PHLPP1: variants seen among roughly 807,000 people sequenced by gnomAD.
The protein encoded by PHLPP1 is PH domain leucine-rich repeat-containing protein phosphatase 1.
Under a neutral mutation model 117.2 loss-of-function variants are expected in PHLPP1, and 42 were observed. That is an observed-to-expected ratio of 0.36 (90% CI 0.28 to 0.46). The LOEUF is 0.46. PHLPP1 is among the 20% of genes least tolerant of loss of function. The probability of loss-of-function intolerance (pLI) is 1.00; values close to 1 mark genes in which losing one functional copy is unlikely to be tolerated. For synonymous variants in PHLPP1, 1,042 were observed against 970.7 expected (o/e 1.07, Z -1.37); for missense variants, 2,084 against 2,241.9 (o/e 0.93, Z 1.42).
chr18:62,769,081 G>T (rs1456971185), intron 1 of PHLPP1, among the ~76,000 whole-genome samples: 2 of 152,136 alleles, frequency 1.3e-5, no homozygotes, highest in Non-Finnish European at 2.9e-5. Flanking sequence ...GTCCTTAAAA[G>T]AATAACTCTG....
Position 62,979,510 on chromosome 18 carries a change from G to A in PHLPP1, c.*79G>A. 6.9e-7 allele frequency: 1 copy of A among 1,441,480 alleles called. No homozygotes were observed. Among genetic ancestry groups the A allele is most frequent in the Non-Finnish European group, 9.3e-7 (1 of 1,071,422 alleles). 89.3% of individuals were successfully genotyped at this position (1,441,480 alleles called of 1,614,324 possible). On this transcript the variant is annotated 3_prime_UTR_variant, in exon 17 of 17. Transcript: ENST00000262719. ...GTCTCCCAGGCTCACATTAAACCAGGGGTTTTACTCCACATCCTTCCCCCA... is the reference window on the plus strand; with the variant it reads ...GTCTCCCAGGCTCACATTAAACCAGAGGTTTTACTCCACATCCTTCCCCCA...
chr18:62,768,775 A>G (rs1490375233), intron 1 of PHLPP1, among the ~76,000 whole-genome samples: 2 of 152,178 alleles, frequency 1.3e-5, no homozygotes, highest in African/African-American at 4.8e-5. Context: ...CCTAACAATG[A>G]AAAAGGAGAT....
At chr18:62,887,619 A>G (rs556522347) in intron 4 of PHLPP1, among the ~76,000 whole-genome samples, 1 of 152,360 alleles carries the variant, frequency 6.6e-6, no homozygotes, top group Non-Finnish European at 1.5e-5. Context: ...TTACAGGGAC[A>G]CTAATCCCAA....
intron 4 of PHLPP1, among the ~76,000 whole-genome samples, chr18:62,867,142 C>G (rs1374327300): frequency 6.6e-6 from 1 of 152,116 alleles, no homozygotes; most frequent in Non-Finnish European, 1.5e-5. Context: ...GAAGTAGGTG[C>G]CTGAAGCTCC....
chr18:62,771,170 C>T (rs1050331051), intron 1 of PHLPP1, among the ~76,000 whole-genome samples: 7 of 148,964 alleles, frequency 4.7e-5, no homozygotes, highest in Admixed American at 1.3e-4. Flanking sequence ...GCCGAGATTG[C>T]GCCATTGCCC....
chr18:62,724,603 T>TC (rs1330459481), intron 1 of PHLPP1, among the ~76,000 whole-genome samples: 2 of 152,222 alleles, frequency 1.3e-5, no homozygotes, highest in African/African-American at 4.8e-5. Flanking sequence ...GTTCTTTTTT[T>TC]CCCACACTGT....
rs1555681660 is a variant in PHLPP1, at chr18:62,916,605, G to GGGGTGTGTGTGTGTGTGTGT, written c.2804+1598_2804+1599insGGTGTGTGTGTGTGTGTGTG. On this transcript the variant is annotated intron_variant, in intron 9 of 16. Transcript: ENST00000262719. ...AGCCATCACCATTAACAAGAGGGTGGGTGTGTGTGTGTGTGTGTGTGTGTG... is the reference window on the plus strand; with the variant it reads ...AGCCATCACCATTAACAAGAGGGTGGGGGTGTGTGTGTGTGTGTGTGTGTGTGTGTGTGTGTGTGTGTGTG... 2.9e-3 allele frequency among the ~76,000 whole-genome samples: 421 copies of GGGGTGTGTGTGTGTGTGTGT among 145,840 alleles called. 2 individuals carry two copies. Among genetic ancestry groups the GGGGTGTGTGTGTGTGTGTGT allele is most frequent in the Middle Eastern group, 0.018 (5 of 276 alleles).
chr18:62,868,414 G>A (rs1164953961), intron 4 of PHLPP1, among the ~76,000 whole-genome samples: 2 of 151,788 alleles, frequency 1.3e-5, no homozygotes, highest in Non-Finnish European at 2.9e-5. Flanking sequence ...ATGATTTGAG[G>A]TCATGTTGGC....
At chr18:62,861,987 A>T (rs1915642882) in intron 4 of PHLPP1, among the ~76,000 whole-genome samples, 1 of 152,246 alleles carries the variant, frequency 6.6e-6, no homozygotes, top group South Asian at 2.1e-4. Flanking sequence ...TTTGGAGAGT[A>T]CTACTCCGTT....
intron 4 of PHLPP1, among the ~76,000 whole-genome samples, chr18:62,879,605 T>A (rs1916127668): frequency 6.6e-6 from 1 of 152,162 alleles, no homozygotes. Flanking sequence ...TAGACAGGGT[T>A]CACCGTGTTA....
At chr18:62,927,615 T>G (rs2144434911) in intron 10 of PHLPP1, among the ~76,000 whole-genome samples, 1 of 151,298 alleles carries the variant, frequency 6.6e-6, no homozygotes, top group South Asian at 2.1e-4. Flanking sequence ...CAAGGGAGAA[T>G]ACACCCGAAA....
Position 62,917,396 on chromosome 18 carries a change from T to TGTGTGTG in PHLPP1, c.2804+2388_2804+2389insGTGTGTG, listed in dbSNP as rs1909321733. ...TGTTAAAGAATTTAAACAGTATTCT[T>TGTGTGTG]TGTGTGTGTGTGTGTGTGTGTGTGT... is the stretch of plus-strand genomic sequence containing the variant. On this transcript the variant is annotated intron_variant, in intron 9 of 16. Coordinates refer to ENST00000262719, the MANE Select transcript of PHLPP1 (RefSeq NM_194449.4). Among the ~76,000 whole-genome samples the TGTGTGTG allele has an allele frequency of 8.0e-3, 1,135 of 141,486 alleles. 10 individuals are homozygous for TGTGTGTG. Among genetic ancestry groups the TGTGTGTG allele is most frequent in the Non-Finnish European group, 0.013 (880 of 65,470 alleles). 92.8% of individuals were successfully genotyped at this position (141,486 alleles called of 152,430 possible).
At chr18:62,833,515 C>T (rs1163944223) in intron 2 of PHLPP1, among the ~76,000 whole-genome samples, 2 of 152,164 alleles carry the variant, frequency 1.3e-5, no homozygotes, top group Non-Finnish European at 2.9e-5. Context: ...ACATATATCT[C>T]ATTGCCTCCC....
intron 14 of PHLPP1, among the ~76,000 whole-genome samples, chr18:62,968,638 C>T (rs551421673): frequency 4.1e-5 from 6 of 147,152 alleles, no homozygotes; most frequent in South Asian, 4.3e-4. Context: ...TCTGGGTTCA[C>T]GCAATTCTTC....
chr18:62,780,543 T>C (rs183097542), intron 1 of PHLPP1, among the ~76,000 whole-genome samples: 2 of 152,354 alleles, frequency 1.3e-5, no homozygotes, highest in African/African-American at 2.4e-5. Context: ...AGAAATCTTA[T>C]AGAATGCTGA....
rs778609732 is a variant in PHLPP1, at chr18:62,978,907, G to A, written c.4630G>A (p.Gly1544Ser). ...GTTCTCTAGCGCCTTCTCCGACAAC[G>A]GCCTTGACAGTGACGATGAGGAGCC... ...ATFSSAFSDN[G>S]LDSDDEEPIE... The change falls in exon 17 of 17, where the codon GGC becomes AGC. Residue 1544 changes from glycine (G) to serine (S), a missense_variant. Transcript: ENST00000262719. The surrounding 1 kb of genome is among the most constrained non-coding windows in gnomAD (Gnocchi z 7.0). The A allele has an allele frequency of 3.7e-6, 6 of 1,607,704 alleles. No individual in the cohort carries two copies. Among genetic ancestry groups the A allele is most frequent in the Non-Finnish European group, 4.2e-6 (5 of 1,177,194 alleles).
At chr18:62,867,004 C>T (rs755585388) in intron 4 of PHLPP1, among the ~76,000 whole-genome samples, 1 of 152,160 alleles carries the variant, frequency 6.6e-6, no homozygotes, top group Non-Finnish European at 1.5e-5. Flanking sequence ...TTTTGTTGCC[C>T]ACTGTTTTTT....
chr18:62,913,027 T>A (rs1181447631), intron 8 of PHLPP1, among the ~76,000 whole-genome samples: 2 of 152,212 alleles, frequency 1.3e-5, no homozygotes, highest in Non-Finnish European at 2.9e-5. Context: ...AATTGGAAAC[T>A]CTTGTGTCAT....
chr18:62,733,866 A>G (rs1420885944), intron 1 of PHLPP1, among the ~76,000 whole-genome samples: 1 of 152,220 alleles, frequency 6.6e-6, no homozygotes, highest in African/African-American at 2.4e-5. Context: ...TTCCAGATAC[A>G]GTCGACCGAG....
Sources: allele counts gnomAD v4.1 joint callset (sites outside exome capture counted in the v4.1 genomes callset), GRCh38; gene constraint gnomAD v4.1.1; non-coding constraint Gnocchi (gnomAD v3.1); transcripts MANE v1.5; gene names NCBI Gene and HGNC (gene_info 2026-07-23, HGNC 2026-07-21).